PEPD: variants seen among roughly 807,000 people sequenced by gnomAD.
PEPD encodes xaa-Pro dipeptidase.
In PEPD, 53 loss-of-function variants were observed where a neutral mutation model predicts 60.7. The observed-to-expected ratio is 0.87, with a 90% CI of 0.70 to 1.10. PEPD has a LOEUF of 1.10. Among genes scored for constraint, PEPD ranks in the 50% least tolerant of loss-of-function variants. PEPD has a pLI of 0.00. For missense variants in PEPD, 711 were observed against 711.9 expected, an observed-to-expected ratio of 1.00 and a Z score of 0.01; for synonymous variants, 267 against 284.1, an observed-to-expected ratio of 0.94 and a Z score of 0.60.
intron 6 of PEPD, among the ~76,000 whole-genome samples, chr19:33,485,319 G>A (rs1475372704): frequency 1.3e-5 from 2 of 151,906 alleles, no homozygotes; most frequent in African/African-American, 2.4e-5. Context: ...CATGGTGAAC[G>A]CTGTCTCTAC....
intron 8 of PEPD, 31 bp downstream of exon 8, chr19:33,463,956 C>T (rs1379515261): frequency 1.1e-5 from 16 of 1,475,318 alleles, no homozygotes; most frequent in Non-Finnish European, 1.5e-5. Flanking sequence ...CACTGCTTTC[C>T]CCACTCAACC....
At chr19:33,414,880 G>C (rs899938084) in intron 9 of PEPD, among the ~76,000 whole-genome samples, 1 of 152,170 alleles carries the variant, frequency 6.6e-6, no homozygotes, top group Non-Finnish European at 1.5e-5. Context: ...GATTTCAGGA[G>C]CTGCCAGGGA....
At chr19:33,493,564 C>G in intron 4 of PEPD, 1 of 619,954 alleles carries the variant, frequency 1.6e-6, no homozygotes, top group South Asian at 1.8e-5. Flanking sequence ...AAACCTACAC[C>G]TGGCTCGCTT....
intron 11 of PEPD, among the ~76,000 whole-genome samples, chr19:33,407,106 C>T (rs1395015177): frequency 6.6e-6 from 1 of 152,210 alleles, no homozygotes; most frequent in Non-Finnish European, 1.5e-5. Context: ...GGGACACGTG[C>T]TCTAGAAACT....
chr19:33,444,351 G>C (rs1176615701), intron 9 of PEPD, among the ~76,000 whole-genome samples: 1 of 152,098 alleles, frequency 6.6e-6, no homozygotes, highest in Non-Finnish European at 1.5e-5. Context: ...GCTGTGGGCA[G>C]AGCCTCAGAG....
At chr19:33,483,763 T>C (rs1353947372) in intron 6 of PEPD, among the ~76,000 whole-genome samples, 1 of 152,080 alleles carries the variant, frequency 6.6e-6, no homozygotes, top group Non-Finnish European at 1.5e-5. Flanking sequence ...TGATTCATGA[T>C]TGCACCACTG....
intron 9 of PEPD, among the ~76,000 whole-genome samples, chr19:33,416,119 G>A (rs542266156): frequency 6.6e-6 from 1 of 152,334 alleles, no homozygotes; most frequent in Admixed American, 6.5e-5. Flanking sequence ...GCACTGAGGG[G>A]TGGACATTCC....
At chr19:33,389,467 C>G (rs531849650) in intron 13 of PEPD, among the ~76,000 whole-genome samples, 1 of 151,808 alleles carries the variant, frequency 6.6e-6, no homozygotes, top group Non-Finnish European at 1.5e-5. Context: ...AGGACCTTCC[C>G]GTCCCTGTCA....
At chr19:33,507,286 C>G (rs1345618658) in intron 3 of PEPD, among the ~76,000 whole-genome samples, 1 of 152,178 alleles carries the variant, frequency 6.6e-6, no homozygotes, top group Admixed American at 6.5e-5. Context: ...GGCCCACAGC[C>G]AAAGCCACCC....
At chr19:33,411,605 C>G in intron 11 of PEPD, 67 bp downstream of exon 11, 1 of 871,434 alleles carries the variant, frequency 1.1e-6, no homozygotes, top group Non-Finnish European at 1.9e-6. Context: ...TCTGGGCCAT[C>G]TTGAAGTTGA....
chr19:33,487,765 C>A (rs1391784427), intron 6 of PEPD, among the ~76,000 whole-genome samples: 3 of 152,144 alleles, frequency 2.0e-5, no homozygotes, highest in Non-Finnish European at 4.4e-5. Context: ...CCAGTGGTGA[C>A]AGGGTGGGGT....
Position 33,413,621 on chromosome 19 carries a change from A to T in PEPD, c.694T>A (p.Ser232Thr), listed in dbSNP as rs751074130. Residue 232 changes from serine (S) to threonine (T), a missense_variant, in exon 10 of 15, where the codon TCC becomes ACC. Physicochemically the swap from Ser to Thr is moderately conservative, Grantham distance 58. Transcript: ENST00000244137. ...GAGCTGTGGCGCATGCCGCCCCGGGAGTAGCAGTAGTGCTCGAAGAGGCTG... is the reference window on the plus strand; with the variant it reads ...GAGCTGTGGCGCATGCCGCCCCGGGTGTAGCAGTAGTGCTCGAAGAGGCTG... ...LESLFEHYCY[S>T]RGGMRHSSYT... is the part of the protein sequence containing the mutation. 5 of 1,587,890 alleles carry T rather than the reference A, an allele frequency of 3.1e-6. No homozygotes were observed. The highest frequency in any genetic ancestry group is 4.3e-6 in the Non-Finnish European group (5 of 1,166,420).
rs187995663 is a variant in PEPD, at chr19:33,424,890, A to G, written c.672-11247T>C. On this transcript the variant is annotated intron_variant, in intron 9 of 14. Coordinates refer to ENST00000244137, the MANE Select transcript of PEPD (RefSeq NM_000285.4). ...CCTTATAAAACCATCAGATCTCATA[A>G]GACTTATTTACTACCATGAGAACAG... Among the ~76,000 whole-genome samples, 8 of 152,276 alleles carry G rather than the reference A, an allele frequency of 5.3e-5. No homozygotes were observed. The East Asian group carries it at 1.4e-3, about 26-fold the overall frequency.
In PEPD at chr19:33,401,073, C is replaced by T. The variant is rs992858288; in HGVS notation, c.967+648G>A. On this transcript the variant is annotated intron_variant, in intron 12 of 14. Transcript: ENST00000244137. Reference sequence around the variant, plus strand: ...GAGGTACCAGTGGGGCCTGTGCAGGCTGCCTGGGGTTGGGAGGGCTGAGGG... The same window carrying T: ...GAGGTACCAGTGGGGCCTGTGCAGGTTGCCTGGGGTTGGGAGGGCTGAGGG... Among the ~76,000 whole-genome samples, 3 of 152,160 alleles carry T rather than the reference C, an allele frequency of 2.0e-5. No homozygotes were observed. The East Asian group carries it at 5.8e-4, about 29-fold the overall frequency.
chr19:33,411,727 G>A lies in PEPD; in HGVS notation c.763C>T (p.His255Tyr). Residue 255 changes from histidine to tyrosine, a missense_variant, in exon 11 of 15, where the codon CAC (histidine) becomes TAC (tyrosine). Physicochemically the swap from His to Tyr is moderately conservative, Grantham distance 83. Coordinates refer to ENST00000244137, the MANE Select transcript of PEPD (RefSeq NM_000285.4). ...CGSGENSAVL[H>Y]YGHAGAPNDR... The stretch of plus-strand genomic sequence containing the variant: ...TTGGGAGCTCCGGCGTGTCCGTAGT[G>A]TAGCACGGCTGAGTTCTCACCACTG... 2 of 1,609,576 alleles carry A rather than the reference G, an allele frequency of 1.2e-6. No individual in the cohort carries two copies. The highest frequency in any genetic ancestry group is 1.7e-6 in the Non-Finnish European group (2 of 1,176,218).
intron 9 of PEPD, among the ~76,000 whole-genome samples, chr19:33,460,854 G>A (rs891134819): frequency 1.3e-5 from 2 of 152,180 alleles, no homozygotes; most frequent in Admixed American, 1.3e-4. Context: ...CCACGCAGGA[G>A]GCGGCAGCAA....
chr19:33,450,537 G>T (rs990165586), intron 9 of PEPD, among the ~76,000 whole-genome samples: 1 of 152,124 alleles, frequency 6.6e-6, no homozygotes, highest in Non-Finnish European at 1.5e-5. Context: ...GACAACAAAA[G>T]AACCCTCCAA....
chr19:33,484,529 G>A (rs922892736), intron 6 of PEPD, among the ~76,000 whole-genome samples: 7 of 151,954 alleles, frequency 4.6e-5, no homozygotes, highest in African/African-American at 7.3e-5. Context: ...GGGCATGCTC[G>A]GACACACATA....
intron 10 of PEPD, among the ~76,000 whole-genome samples, chr19:33,411,979 T>A (rs919159425): frequency 2.6e-5 from 4 of 152,322 alleles, no homozygotes; most frequent in Admixed American, 1.3e-4. Flanking sequence ...AGGCAGAGCC[T>A]CCTGGCTGAA....
Sources: gnomAD v4.1 joint callset for allele counts (sites outside exome capture counted in the v4.1 genomes callset) on GRCh38, gnomAD v4.1.1 for gene constraint, MANE v1.5 for transcripts, NCBI Gene and HGNC (gene_info 2026-07-23, HGNC 2026-07-21) for gene names.